The following CDH23 variants were observed in gnomAD, a reference collection of about 807,000 sequenced individuals.
The protein encoded by CDH23 is cadherin-23.
Under a neutral mutation model 317.1 loss-of-function variants are expected in CDH23, and 189 were observed. That is an observed-to-expected ratio of 0.60 (90% CI 0.53 to 0.67). CDH23 has a LOEUF of 0.67. Among genes scored for constraint, CDH23 ranks in the 30% least tolerant of loss-of-function variants. The probability of loss-of-function intolerance (pLI) is 0.00; values close to 1 mark genes in which losing one functional copy is unlikely to be tolerated. For missense variants in CDH23, 4,401 were observed against 4,592.4 expected, an observed-to-expected ratio of 0.96 and a Z score of 1.20; for synonymous variants, 1,839 against 1,876.8, an observed-to-expected ratio of 0.98 and a Z score of 0.52.
intron 38 of CDH23, among the ~76,000 whole-genome samples, chr10:71,760,211 G>A (rs1374971072): frequency 0.022 from 242 of 11,130 alleles, 76 homozygotes; most frequent in African/African-American, 0.049. Flanking sequence ...ATATATGTGT[G>A]TATATATGTG....
intron 6 of CDH23, among the ~76,000 whole-genome samples, chr10:71,541,858 G>A: frequency 6.6e-6 from 1 of 152,300 alleles, no homozygotes; most frequent in South Asian, 2.1e-4. Context: ...GCTGAGATTT[G>A]AATTTTATAT....
chr10:71,412,470 ATTATT>A (rs1848380487), intron 1 of CDH23, among the ~76,000 whole-genome samples: 1 of 152,120 alleles, frequency 6.6e-6, no homozygotes, highest in Admixed American at 6.6e-5. Flanking sequence ...ACCAACACTT[ATTATT>A]TTATTTTATT....
At chr10:71,513,796 G>C (rs1854125523) in intron 6 of CDH23, among the ~76,000 whole-genome samples, 2 of 152,182 alleles carry the variant, frequency 1.3e-5, no homozygotes, top group South Asian at 4.1e-4. Context: ...CATGATCAGA[G>C]GATGAAACCC....
At chr10:71,422,215 A>G (rs1324601603) in intron 1 of CDH23, among the ~76,000 whole-genome samples, 2 of 152,116 alleles carry the variant, frequency 1.3e-5, no homozygotes, top group Admixed American at 6.5e-5. Context: ...TTGGGTGTCA[A>G]GGAACCATCA....
At chr10:71,489,170 G>T (rs895791392) in intron 3 of CDH23, among the ~76,000 whole-genome samples, 2 of 152,098 alleles carry the variant, frequency 1.3e-5, no homozygotes, top group Admixed American at 6.5e-5. Flanking sequence ...TTCAAATATT[G>T]CATCTGCTCC....
intron 7 of CDH23, 88 bp downstream of exon 7, chr10:71,567,024 C>T: frequency 8.5e-7 from 1 of 1,179,630 alleles, no homozygotes; most frequent in South Asian, 1.3e-5. Context: ...GGGACATTGA[C>T]CCAGTGGCAC....
At chr10:71,433,655 TTGTCCC>T (rs1849493687) in intron 1 of CDH23, among the ~76,000 whole-genome samples, 1 of 151,662 alleles carries the variant, frequency 6.6e-6, no homozygotes, top group Non-Finnish European at 1.5e-5. Context: ...ACTTCCGATC[TTGTCCC>T]TCAGCCAGCT....
rs777205581 is a variant in CDH23 at position 71,809,843 on chromosome 10, A to T, written c.8746A>T (p.Thr2916Ser). 6.2e-7 allele frequency: 1 copy of T among 1,612,618 alleles called. No individual in the cohort carries two copies. Among genetic ancestry groups the T allele is most frequent in the African/African-American group, 1.3e-5 (1 of 74,954 alleles). The change falls in exon 61 of 70, where the codon ACC becomes TCC. Residue 2916 changes from threonine (T) to serine (S), a missense_variant. Transcript: ENST00000224721. ...TMGSMDGILR[T>S]FDLFMAYSPG... Reference sequence around the variant, plus strand: ...AGGGAGCATGGACGGCATTCTGCGCACCTTCGACCTCTTCATGGCCTACAG... The same window carrying T: ...AGGGAGCATGGACGGCATTCTGCGCTCCTTCGACCTCTTCATGGCCTACAG...
chr10:71,472,824 G>T (rs562228167), intron 3 of CDH23, among the ~76,000 whole-genome samples: 2 of 152,346 alleles, frequency 1.3e-5, no homozygotes, highest in East Asian at 3.9e-4. Context: ...GTGGTCCCAG[G>T]TGGTGGGAAA....
At chr10:71,734,709 G>T in intron 34 of CDH23, 51 bp downstream of exon 34, 2 of 1,238,308 alleles carry the variant, frequency 1.6e-6, no homozygotes, top group African/African-American at 1.5e-5. Context: ...TGTGGCCAGT[G>T]CTGGCCGGGC....
chr10:71,779,376 T>C lies in CDH23; in HGVS notation c.5297T>C (p.Phe1766Ser), dbSNP rs114745089. ...CAGCCGGGGCCCAGAGTGTGGACCTTCCTGGCCCATGACCGAGACTCAGGA... is the reference window on the plus strand; with the variant it reads ...CAGCCGGGGCCCAGAGTGTGGACCTCCCTGGCCCATGACCGAGACTCAGGA... ...EGQPGPRVWT[F>S]LAHDRDSGPN... The change falls in exon 41 of 70, where the codon TTC becomes TCC. Residue 1766 changes from phenylalanine to serine, a missense_variant. Physicochemically the swap from Phe to Ser is radical, Grantham distance 155. Coordinates refer to ENST00000224721, the MANE Select transcript of CDH23 (RefSeq NM_022124.6). 8.5e-4 allele frequency: 1,371 copies of C among 1,613,856 alleles called. 10 individuals carry two copies. The African/African-American group carries it at 0.017, about 20-fold the overall frequency.
At chr10:71,710,415 T>G (rs1865929854) in intron 27 of CDH23, among the ~76,000 whole-genome samples, 1 of 152,254 alleles carries the variant, frequency 6.6e-6, no homozygotes. Context: ...CCTGGGCTTT[T>G]CCTTCTTCAG....
chr10:71,558,385 A>G (rs1314118783), intron 6 of CDH23, among the ~76,000 whole-genome samples: 1 of 151,538 alleles, frequency 6.6e-6, no homozygotes, highest in Non-Finnish European at 1.5e-5. Flanking sequence ...TTTCTCTCCC[A>G]TTTCATCCCT....
At chr10:71,637,621 C>T (rs1329793073) in intron 11 of CDH23, among the ~76,000 whole-genome samples, 1 of 152,156 alleles carries the variant, frequency 6.6e-6, no homozygotes, top group Admixed American at 6.5e-5. Context: ...GTTCTATACC[C>T]TGGAAGCTCA....
intron 8 of CDH23, among the ~76,000 whole-genome samples, chr10:71,577,243 A>C (rs1858275745): frequency 6.6e-6 from 1 of 151,956 alleles, no homozygotes; most frequent in African/African-American, 2.4e-5. Flanking sequence ...CTATACTGTT[A>C]GTTCCAGCTC....
rs560790725 is a variant in CDH23, at chr10:71,482,808, T to C, written c.146-27274T>C. Among the ~76,000 whole-genome samples the C allele has an allele frequency of 4.6e-5, 7 of 152,320 alleles. No homozygotes were observed. In the East Asian group the frequency reaches 1.3e-3, roughly 29 times the overall value. On this transcript the variant is annotated intron_variant, in intron 3 of 69. Coordinates refer to ENST00000224721, the MANE Select transcript of CDH23 (RefSeq NM_022124.6). Reference sequence around the variant, plus strand: ...ATTAGGTGGTGTCAGGTGCCCGAGTTGAGCGGATTACAACATTTGGGGCAT... The same window carrying C: ...ATTAGGTGGTGTCAGGTGCCCGAGTCGAGCGGATTACAACATTTGGGGCAT...
intron 1 of CDH23, among the ~76,000 whole-genome samples, chr10:71,417,269 G>A (rs1848576757): frequency 1.3e-5 from 2 of 151,956 alleles, no homozygotes; most frequent in Non-Finnish European, 2.9e-5. Context: ...TAGAGACAGG[G>A]TTTCACCATG....
At chr10:71,500,420 G>C (rs1349841773) in intron 3 of CDH23, among the ~76,000 whole-genome samples, 1 of 152,188 alleles carries the variant, frequency 6.6e-6, no homozygotes, top group Non-Finnish European at 1.5e-5. Flanking sequence ...CACCTGTGTG[G>C]CCAGGTGAGC....
chr10:71,738,141 A>T (rs1002834386), intron 34 of CDH23, among the ~76,000 whole-genome samples: 1 of 152,216 alleles, frequency 6.6e-6, no homozygotes, highest in African/African-American at 2.4e-5. Flanking sequence ...AAAAACAGGA[A>T]GCTTTGCTCA....
Sources: gnomAD v4.1 joint callset for allele counts (sites outside exome capture counted in the v4.1 genomes callset) on GRCh38, gnomAD v4.1.1 for gene constraint, MANE v1.5 for transcripts, NCBI Gene and HGNC (gene_info 2026-07-23, HGNC 2026-07-21) for gene names.